The following RPS6KC1 variants were observed in gnomAD, a reference collection of about 807,000 sequenced individuals.
The protein encoded by RPS6KC1 is inactive ribosomal protein S6 kinase delta-1.
In RPS6KC1, 54 loss-of-function variants were observed where a neutral mutation model predicts 103.8. That is an observed-to-expected ratio of 0.52 (90% CI 0.42 to 0.65). The LOEUF (loss-of-function observed/expected upper bound fraction) is 0.65. Ranked by LOEUF, RPS6KC1 falls within the 30% of genes least tolerant of loss-of-function variation. The pLI is 0.00. For synonymous variants in RPS6KC1, 439 were observed against 438.7 expected (o/e 1.00, Z -0.01); for missense variants, 1,151 against 1,253.8 (o/e 0.92, Z 1.24).
intron 8 of RPS6KC1, among the ~76,000 whole-genome samples, chr1:213,204,362 T>C (rs934244215): frequency 3.9e-5 from 6 of 152,238 alleles, no homozygotes; most frequent in African/African-American, 1.4e-4. Context: ...TTTTCCTTTA[T>C]GGTTTGCCTT....
At chr1:213,208,459 T>C (rs527516842) in intron 8 of RPS6KC1, among the ~76,000 whole-genome samples, 1 of 152,208 alleles carries the variant, frequency 6.6e-6, no homozygotes, top group Non-Finnish European at 1.5e-5. Context: ...TTCACAGTGA[T>C]GTTGTGGTGT....
the RPS6KC1 span, among the ~76,000 whole-genome samples, chr1:213,695,709 A>C: frequency 6.6e-6 from 1 of 152,248 alleles, no homozygotes. Context: ...GCCTTCACTC[A>C]GGATAGGTTG....
At chr1:213,177,660 G>T (rs140349611) in intron 8 of RPS6KC1, among the ~76,000 whole-genome samples, 179 of 152,104 alleles carry the variant, frequency 1.2e-3, no homozygotes, top group African/African-American at 3.2e-3. Context: ...TTTCATAACC[G>T]TGTTTTCTGT....
At chr1:213,328,504 CTATATATATATATA>C in the RPS6KC1 span, among the ~76,000 whole-genome samples, 5,717 of 101,390 alleles carry the variant, frequency 0.056, 248 homozygotes, top group South Asian at 0.08. Flanking sequence ...AGCCATTATA[CTATATATATATATA>C]TATATATATA....
chr1:213,574,924 G>A, the RPS6KC1 span, among the ~76,000 whole-genome samples: 2 of 152,138 alleles, frequency 1.3e-5, no homozygotes, highest in South Asian at 4.1e-4. Context: ...CATGACGGGT[G>A]AGAGCCATTG....
At chr1:213,297,134 C>A in the RPS6KC1 span, among the ~76,000 whole-genome samples, 2 of 152,138 alleles carry the variant, frequency 1.3e-5, no homozygotes, top group African/African-American at 4.8e-5. Flanking sequence ...TTAAAGAGGG[C>A]GGTGGGCAGG....
At chr1:213,662,259 G>C in the RPS6KC1 span, among the ~76,000 whole-genome samples, 1 of 151,754 alleles carries the variant, frequency 6.6e-6, no homozygotes, top group Non-Finnish European at 1.5e-5. Flanking sequence ...GGAAATACCA[G>C]AGTAAACTTT....
intron 1 of RPS6KC1, among the ~76,000 whole-genome samples, chr1:213,069,956 T>G (rs138917195): frequency 6.6e-4 from 100 of 152,358 alleles, no homozygotes; most frequent in Middle Eastern, 6.8e-3. Flanking sequence ...GGTGTTAGAC[T>G]TTTTGGCCTT....
the RPS6KC1 span, among the ~76,000 whole-genome samples, chr1:213,328,982 C>T: frequency 3.3e-5 from 5 of 152,278 alleles, no homozygotes; most frequent in East Asian, 1.9e-4. Flanking sequence ...CTACGAGTTC[C>T]GTCTCCTAGC....
chr1:213,210,667 G>T (rs2093479345), intron 8 of RPS6KC1, among the ~76,000 whole-genome samples: 1 of 152,138 alleles, frequency 6.6e-6, no homozygotes, highest in Admixed American at 6.5e-5. Flanking sequence ...AAATTTTCTA[G>T]GTCATTTAAA....
intron 12 of RPS6KC1, among the ~76,000 whole-genome samples, chr1:213,259,169 A>G (rs765352560): frequency 6.6e-6 from 1 of 152,240 alleles, no homozygotes; most frequent in Non-Finnish European, 1.5e-5. Flanking sequence ...CCTGCTCCAG[A>G]GTAACTTTTC....
the RPS6KC1 span, among the ~76,000 whole-genome samples, chr1:213,343,084 A>G: frequency 3.9e-5 from 6 of 152,126 alleles, no homozygotes; most frequent in African/African-American, 1.4e-4. Flanking sequence ...TGTATTGTAA[A>G]ATAACTACTG....
chr1:213,117,258 T>C (rs1262731497), intron 4 of RPS6KC1, 59 bp from the exon 5 acceptor site: 4 of 967,792 alleles, frequency 4.1e-6, no homozygotes, highest in Non-Finnish European at 6.5e-6. Context: ...AACTATTTTT[T>C]ATTTAGTGTT....
At chr1:213,077,867 A>G (rs1376582608) in intron 3 of RPS6KC1, 51 bp downstream of exon 3, 3 of 1,115,384 alleles carry the variant, frequency 2.7e-6, no homozygotes, top group Admixed American at 5.6e-5. Context: ...AATTTTGTAT[A>G]TATACTGAAC....
At chr1:213,716,668 G>C in the RPS6KC1 span, among the ~76,000 whole-genome samples, 1 of 151,986 alleles carries the variant, frequency 6.6e-6, no homozygotes, top group African/African-American at 2.4e-5. Flanking sequence ...ATGATTCTTA[G>C]TACATTCTAT....
the RPS6KC1 span, among the ~76,000 whole-genome samples, chr1:213,761,610 A>G: frequency 6.6e-6 from 1 of 152,248 alleles, no homozygotes; most frequent in Non-Finnish European, 1.5e-5. Context: ...GGAATGGCGG[A>G]CAGGCAAATG....
chr1:213,360,947 G>A, the RPS6KC1 span, among the ~76,000 whole-genome samples: 554 of 152,318 alleles, frequency 3.6e-3, 7 homozygotes, highest in African/African-American at 0.012. Context: ...ACTCGGCTGC[G>A]TGAGGTGTCA....
At chr1:213,352,174 G>T in the RPS6KC1 span, among the ~76,000 whole-genome samples, 1 of 151,824 alleles carries the variant, frequency 6.6e-6, no homozygotes, top group African/African-American at 2.4e-5. Flanking sequence ...TTAACTGCAG[G>T]TGCAAGAAAA....
chr1:213,618,152 G>A, the RPS6KC1 span, among the ~76,000 whole-genome samples: 1 of 151,978 alleles, frequency 6.6e-6, no homozygotes, highest in Non-Finnish European at 1.5e-5. Context: ...CTTCCAAAAG[G>A]TGTTTCTTTA....
Sources: gnomAD v4.1 joint callset for allele counts (sites outside exome capture counted in the v4.1 genomes callset) on GRCh38, gnomAD v4.1.1 for gene constraint, MANE v1.5 for transcripts, NCBI Gene and HGNC (gene_info 2026-07-23, HGNC 2026-07-21) for gene names.